Variants in SLC26A9 observed in about 807,000 individuals in gnomAD.
The protein encoded by SLC26A9 is anion transporter/exchanger protein 9.
Under a neutral mutation model 87.1 loss-of-function variants are expected in SLC26A9, and 46 were observed. The ratio of observed to expected loss-of-function variants is 0.53; its 90% CI spans 0.42 to 0.67. The LOEUF is 0.67. Among genes scored for constraint, SLC26A9 ranks in the 30% least tolerant of loss-of-function variants. The pLI, the probability that SLC26A9 is intolerant of heterozygous loss-of-function variation, is 0.00. For synonymous variants in SLC26A9, 437 were observed against 409.1 expected, an observed-to-expected ratio of 1.07 and a Z score of -0.82; for missense variants, 927 against 1,018.3, an observed-to-expected ratio of 0.91 and a Z score of 1.22.
Position 205,943,355 on chromosome 1 carries a change from TG to T in SLC26A9, c.-19+9del, listed in dbSNP as rs1430458926. ...GCCCAGTGGGGTGGGCTGGGCTGGGTGGGGCTTACCAGTGGGTGAGCAAAGC... is the reference window on the plus strand; with the variant it reads ...GCCCAGTGGGGTGGGCTGGGCTGGGTGGGCTTACCAGTGGGTGAGCAAAGC... On this transcript the variant is annotated intron_variant, in intron 1 of 20. Coordinates refer to ENST00000367135, the MANE Select transcript of SLC26A9 (RefSeq NM_052934.4). 1 of 152,066 alleles carries T rather than the reference TG, an allele frequency of 6.6e-6. No homozygotes were observed. Among genetic ancestry groups the T allele is most frequent in the Non-Finnish European group, 1.5e-5 (1 of 68,098 alleles). 9.4% of individuals were successfully genotyped at this position (152,066 alleles called of 1,614,324 possible).
chr1:205,931,536 G>T (rs35427314), intron 5 of SLC26A9, among the ~76,000 whole-genome samples: 2 of 146,400 alleles, frequency 1.4e-5, no homozygotes, highest in East Asian at 4.0e-4. Context: ...GCGCGATCTC[G>T]GCTCACTGCA....
At chr1:205,927,811 C>A in intron 9 of SLC26A9, 91 bp downstream of exon 9, 1 of 1,558,772 alleles carries the variant, frequency 6.4e-7, no homozygotes, top group South Asian at 1.2e-5. Context: ...CCTGCCTCAC[C>A]TCAGCCCAAT....
chr1:205,925,617 A>AT (rs1659034104), intron 12 of SLC26A9, among the ~76,000 whole-genome samples: 1 of 151,902 alleles, frequency 6.6e-6, no homozygotes, highest in Non-Finnish European at 1.5e-5. Context: ...GGCTTTAAGG[A>AT]TTTTCTTCTC....
intron 12 of SLC26A9, among the ~76,000 whole-genome samples, chr1:205,925,436 G>C (rs1659025734): frequency 6.6e-6 from 1 of 152,216 alleles, no homozygotes; most frequent in Non-Finnish European, 1.5e-5. Context: ...TTGCTGTGAA[G>C]ATCAAATGGA....
chr1:205,943,136 G>A (rs1448839712), intron 1 of SLC26A9, among the ~76,000 whole-genome samples: 1 of 152,198 alleles, frequency 6.6e-6, no homozygotes, highest in Non-Finnish European at 1.5e-5. Flanking sequence ...CCTCAGTCAA[G>A]CCCAGCCTTG....
Position 205,915,401 on chromosome 1 carries a change from T to C in SLC26A9, c.2332A>G (p.Met778Val). ...IRSYWDLEQE[M>V]FGSMFHAETL... ...TCTGCGTGAAACATGCTCCCGAACATCTCCTGCAGGAACCACAGGAAGGAA... is the reference window on the plus strand; with the variant it reads ...TCTGCGTGAAACATGCTCCCGAACACCTCCTGCAGGAACCACAGGAAGGAA... The change falls in exon 21 of 21, where the codon ATG becomes GTG. Residue 778 changes from methionine to valine, a missense_variant. Transcript: ENST00000367135. 1 of 1,613,660 alleles carries C rather than the reference T, an allele frequency of 6.2e-7. No individual in the cohort carries two copies. Among genetic ancestry groups the C allele is most frequent in the Non-Finnish European group, 8.5e-7 (1 of 1,179,932 alleles).
rs770449473 is a variant in SLC26A9 at position 205,921,818 on chromosome 1, G to T, written c.1803C>A (p.Asp601Glu). Residue 601 changes from aspartate (D) to glutamate (E), a missense_variant, in exon 17 of 21, where the codon GAC (aspartate) becomes GAA (glutamate). Coordinates refer to ENST00000367135, the MANE Select transcript of SLC26A9 (RefSeq NM_052934.4). ...KTVSLQELQQ[D>E]FENAPPTDPN... ...GGTCGGTGGGGGGCGCATTCTCAAA[G>T]TCCTGCTGCAGCTCCTGCAGGGAGA... 1.7e-5 allele frequency: 28 copies of T among 1,607,306 alleles called. 1 individual carries two copies. In the South Asian group the frequency reaches 3.1e-4, roughly 18 times the overall value.
chr1:205,935,239 T>C (rs1659461584), intron 2 of SLC26A9: 1 of 152,876 alleles, frequency 6.5e-6, no homozygotes, highest in Non-Finnish European at 1.5e-5. Flanking sequence ...GGCCTCCTTT[T>C]GGCATTCTCT....
chr1:205,925,658 T>C (rs1659035245), intron 12 of SLC26A9, among the ~76,000 whole-genome samples: 1 of 152,194 alleles, frequency 6.6e-6, no homozygotes, highest in Non-Finnish European at 1.5e-5. Flanking sequence ...GCCTTCCCTA[T>C]GAGACAGTAC....
intron 1 of SLC26A9, among the ~76,000 whole-genome samples, chr1:205,936,887 A>G (rs911160666): frequency 1.3e-5 from 2 of 152,094 alleles, no homozygotes; most frequent in African/African-American, 4.8e-5. Flanking sequence ...GTCAGAGGGG[A>G]GCAGGTTGCT....
At chr1:205,919,595 T>C (rs1426319871) in intron 18 of SLC26A9, among the ~76,000 whole-genome samples, 1 of 152,162 alleles carries the variant, frequency 6.6e-6, no homozygotes, top group African/African-American at 2.4e-5. Flanking sequence ...CATTCTCCTG[T>C]GTGTCTGTGT....
chr1:205,939,072 G>A (rs1659634820), intron 1 of SLC26A9, among the ~76,000 whole-genome samples: 1 of 152,180 alleles, frequency 6.6e-6, no homozygotes, highest in Non-Finnish European at 1.5e-5. Context: ...GCCCATCCCA[G>A]GAATAGGATG....
chr1:205,928,077 A>T, intron 8 of SLC26A9, 28 bp from the exon 9 acceptor site: 1 of 1,608,228 alleles, frequency 6.2e-7, no homozygotes, highest in Non-Finnish European at 8.5e-7. Flanking sequence ...AGGAGGCAGA[A>T]CCCAAGGGTG....
intron 17 of SLC26A9, 23 bp from the exon 18 acceptor site, chr1:205,920,253 G>A (rs768739291): frequency 6.2e-7 from 1 of 1,613,816 alleles, no homozygotes; most frequent in Non-Finnish European, 8.5e-7. Flanking sequence ...TTGGGGTAGG[G>A]AGGCAAAAGG....
At chr1:205,917,005 A>T (rs183809671) in intron 20 of SLC26A9, among the ~76,000 whole-genome samples, 1 of 151,406 alleles carries the variant, frequency 6.6e-6, no homozygotes, top group African/African-American at 2.4e-5. Context: ...AGGCAGGAGA[A>T]CCTCTGGAAC....
intron 19 of SLC26A9, 118 bp from the exon 20 acceptor site, chr1:205,917,472 T>C (rs1052430599): frequency 1.1e-6 from 1 of 935,574 alleles, no homozygotes; most frequent in Non-Finnish European, 1.7e-6. Flanking sequence ...TCCTGACACA[T>C]GACTTATCCT....
intron 2 of SLC26A9, chr1:205,935,087 A>G (rs1475303251): frequency 6.6e-6 from 1 of 152,170 alleles, no homozygotes; most frequent in Admixed American, 6.5e-5. Context: ...GGGTGTGGGT[A>G]TGGATCACCT....
At position 205,915,346 on chromosome 1, in the gene SLC26A9, T is replaced by C. The variant is rs1658543465; in HGVS notation, c.*11A>G. ...GGCACTCTGTAGGCAGCATGAGGAC[T>C]GGCTGAGCCCTCACAGGGCGGTCAG... On this transcript the variant is annotated 3_prime_UTR_variant, in exon 21 of 21. Transcript: ENST00000367135. 6.2e-7 allele frequency: 1 copy of C among 1,614,014 alleles called. No individual in the cohort carries two copies. The highest frequency in any genetic ancestry group is 8.5e-7 in the Non-Finnish European group (1 of 1,180,012).
chr1:205,917,152 T>C, intron 20 of SLC26A9, 131 bp downstream of exon 20: 1 of 715,604 alleles, frequency 1.4e-6, no homozygotes, highest in Admixed American at 2.5e-5. Context: ...ACCACAAATC[T>C]TTGTGGCCTT....
Sources: gnomAD v4.1 joint callset for allele counts (sites outside exome capture counted in the v4.1 genomes callset) on GRCh38, gnomAD v4.1.1 for gene constraint, MANE v1.5 for transcripts, NCBI Gene and HGNC (gene_info 2026-07-23, HGNC 2026-07-21) for gene names.